ACAD10: variants seen among roughly 807,000 people sequenced by gnomAD.
ACAD10 encodes the protein acyl-CoA dehydrogenase family member 10.
ACAD10 carries 112 observed loss-of-function variants against 116.8 expected under a neutral mutation model. That is an observed-to-expected ratio of 0.96 (90% CI 0.82 to 1.12). The LOEUF (loss-of-function observed/expected upper bound fraction) is 1.12. ACAD10 is among the 50% of genes most tolerant of loss of function. The pLI, the probability that ACAD10 is intolerant of heterozygous loss-of-function variation, is 0.00. For missense variants in ACAD10, 1,259 were observed against 1,350.2 expected, an observed-to-expected ratio of 0.93 and a Z score of 1.06; for synonymous variants, 486 against 510.6, an observed-to-expected ratio of 0.95 and a Z score of 0.65.
chr12:111,755,692 A>T lies in ACAD10; in HGVS notation c.2986A>T (p.Ile996Phe). 6.2e-7 allele frequency: 1 copy of T among 1,613,880 alleles called. No homozygotes were observed. Among genetic ancestry groups the T allele is most frequent in the South Asian group, 1.1e-5 (1 of 91,080 alleles). Reference sequence around the variant, plus strand: ...GGCTGCAGCCTTGGATATAGCCATGATTAAAATGGTCGCCCCGTCCATGGC... The same window carrying T: ...GGCTGCAGCCTTGGATATAGCCATGTTTAAAATGGTCGCCCCGTCCATGGC... The part of the protein sequence containing the change: ...NKAAALDIAM[I>F]KMVAPSMASR... Residue 996 changes from isoleucine (I) to phenylalanine (F), a missense_variant, in exon 20 of 21, where the codon ATT becomes TTT. Transcript: ENST00000313698.
chr12:111,690,100 A>G (rs1887992498), intron 1 of ACAD10, among the ~76,000 whole-genome samples: 1 of 152,206 alleles, frequency 6.6e-6, no homozygotes, highest in Admixed American at 6.5e-5. Context: ...GATGAGAAAC[A>G]CATTATATTC....
At position 111,755,734 on chromosome 12, in the gene ACAD10, C is replaced by G; in HGVS notation, c.3028C>G (p.Arg1010Gly). 1.2e-6 allele frequency: 2 copies of G among 1,613,748 alleles called. No homozygotes were observed. Among genetic ancestry groups the G allele is most frequent in the Non-Finnish European group, 1.7e-6 (2 of 1,179,894 alleles). ...APSMASRVID[R>G]AIQAFGAAGL... is the part of the protein sequence containing the mutation. The stretch of plus-strand genomic sequence containing the variant: ...GTCCATGGCCTCCCGAGTGATTGAT[C>G]GTGCGATTCAGGTGAGCACAGACCA... Residue 1010 changes from arginine to glycine, a missense_variant, in exon 20 of 21, where the codon CGT becomes GGT. Physicochemically the swap from Arg to Gly is moderately radical, Grantham distance 125 (BLOSUM62 -2). Coordinates refer to ENST00000313698, the MANE Select transcript of ACAD10 (RefSeq NM_025247.6).
intron 1 of ACAD10, among the ~76,000 whole-genome samples, chr12:111,691,922 AG>A (rs1888055095): frequency 6.6e-6 from 1 of 151,970 alleles, no homozygotes. Context: ...AGCCAGGCTT[AG>A]GAATTGAGAT....
At chr12:111,703,584 T>C (rs948525249) in intron 3 of ACAD10, among the ~76,000 whole-genome samples, 1 of 152,122 alleles carries the variant, frequency 6.6e-6, no homozygotes, top group Non-Finnish European at 1.5e-5. Context: ...ACACCTGTAA[T>C]CCCAGCATTT....
In ACAD10 at chr12:111,709,749, A is replaced by G. The variant is rs781419171; in HGVS notation, c.690+65A>G. 9 of 1,446,784 alleles carry G rather than the reference A, an allele frequency of 6.2e-6. No individual in the cohort carries two copies. In the East Asian group the frequency reaches 2.0e-4, roughly 32 times the overall value. 89.6% of individuals were successfully genotyped at this position (1,446,784 alleles called of 1,614,324 possible). ...GCCACTAATGCAATGTTTCTCTGTAATCTTTTTACATTTGTAGCTCTAGCT... is the reference window on the plus strand; with the variant it reads ...GCCACTAATGCAATGTTTCTCTGTAGTCTTTTTACATTTGTAGCTCTAGCT... On this transcript the variant is annotated intron_variant, in intron 5 of 20. Transcript: ENST00000313698.
intron 8 of ACAD10, among the ~76,000 whole-genome samples, chr12:111,724,589 G>C (rs527261907): frequency 6.6e-6 from 1 of 152,202 alleles, no homozygotes; most frequent in East Asian, 1.9e-4. Flanking sequence ...GATCACTCGC[G>C]GTTAGGGGCT....
intron 16 of ACAD10, chr12:111,747,732 T>G: frequency 1.8e-6 from 2 of 1,124,532 alleles, no homozygotes; most frequent in Non-Finnish European, 2.2e-6. Context: ...TCAGGTGTGT[T>G]ACATCCTAAG....
rs1889851831 is a variant in ACAD10 at position 111,745,012 on chromosome 12, G to A, written c.2084G>A (p.Trp695Ter). The change falls in exon 13 of 21, where the codon TGG (tryptophan) becomes TAG (stop). Residue 695 changes from tryptophan to a stop codon, truncating the protein, a stop_gained. Coordinates refer to ENST00000313698, the MANE Select transcript of ACAD10 (RefSeq NM_025247.6). LOFTEE classifies it high-confidence loss of function. Reference protein sequence around the residue: ...LQSHQASAARWSPSPLIEDLK... With the variant: ...LQSHQASAAR Reference sequence around the variant, plus strand: ...AGTCACCAGGCCTCAGCAGCCAGGTGGAGCCCCTCCCCACTGATCGAAGAC... The same window carrying A: ...AGTCACCAGGCCTCAGCAGCCAGGTAGAGCCCCTCCCCACTGATCGAAGAC... 1.2e-6 allele frequency: 2 copies of A among 1,613,758 alleles called. No individual in the cohort carries two copies. The highest frequency in any genetic ancestry group is 2.2e-5 in the East Asian group (1 of 44,896).
chr12:111,733,311 G>A (rs543113594), intron 10 of ACAD10, among the ~76,000 whole-genome samples: 2 of 152,114 alleles, frequency 1.3e-5, no homozygotes, highest in Non-Finnish European at 2.9e-5. Flanking sequence ...ATGTTGCCCG[G>A]GCTGGTCTTG....
intron 19 of ACAD10, 69 bp from the exon 20 acceptor site, chr12:111,755,599 G>C (rs1164864604): frequency 3.5e-6 from 4 of 1,139,392 alleles, no homozygotes; most frequent in Non-Finnish European, 5.3e-6. Flanking sequence ...GATGGGGGAC[G>C]GGGGGGCCTC....
At chr12:111,726,632 C>T (rs985491999) in intron 8 of ACAD10, among the ~76,000 whole-genome samples, 36 of 151,934 alleles carry the variant, frequency 2.4e-4, no homozygotes, top group African/African-American at 7.7e-4. Flanking sequence ...GAGGCTGAGG[C>T]GGATGGATTA....
Position 111,750,213 on chromosome 12 carries a change from T to A in ACAD10, c.2817+868T>A, listed in dbSNP as rs569105257. ...TTCACACCATTCTCTTGCCTCAGCC[T>A]CCCGAGTAGCTGGGACTACAGGCAC... On this transcript the variant is annotated intron_variant, in intron 18 of 20. Coordinates refer to ENST00000313698, the MANE Select transcript of ACAD10 (RefSeq NM_025247.6). Among the ~76,000 whole-genome samples, 354 of 149,760 alleles carry A rather than the reference T, an allele frequency of 2.4e-3. 3 individuals carry two copies. Among genetic ancestry groups the A allele is most frequent in the Non-Finnish European group, 3.0e-3 (206 of 67,578 alleles).
intron 8 of ACAD10, among the ~76,000 whole-genome samples, chr12:111,723,409 G>A (rs1414838824): frequency 5.9e-5 from 8 of 136,288 alleles, no homozygotes; most frequent in African/African-American, 2.2e-4. Context: ...GCGGCTGGCC[G>A]GGCGGGGGGC....
At chr12:111,697,672 C>T (rs573704666) in intron 2 of ACAD10, among the ~76,000 whole-genome samples, 1 of 149,758 alleles carries the variant, frequency 6.7e-6, no homozygotes, top group East Asian at 2.0e-4. Flanking sequence ...GCAAACTTCG[C>T]CTCCCGGGTT....
At chr12:111,732,882 T>C (rs1200395210) in intron 10 of ACAD10, among the ~76,000 whole-genome samples, 1 of 152,184 alleles carries the variant, frequency 6.6e-6, no homozygotes, top group Non-Finnish European at 1.5e-5. Context: ...ACGACAGCAG[T>C]CATTTTGCTT....
At chr12:111,690,055 G>C (rs1887990902) in intron 1 of ACAD10, among the ~76,000 whole-genome samples, 1 of 152,198 alleles carries the variant, frequency 6.6e-6, no homozygotes, top group Non-Finnish European at 1.5e-5. Flanking sequence ...TGAATCTGCA[G>C]ATGTGGAACT....
rs1366343269 is a variant in ACAD10 at position 111,719,813 on chromosome 12, C to T, written c.993-1858C>T. ...CACGATCTCGGCCCACTGCAAGCTCCGCCTCCCAGGTTCACGCCATTCTCC... is the reference window on the plus strand; with the variant it reads ...CACGATCTCGGCCCACTGCAAGCTCTGCCTCCCAGGTTCACGCCATTCTCC... On this transcript the variant is annotated intron_variant, in intron 7 of 20. Transcript: ENST00000313698. Among the ~76,000 whole-genome samples, 13 of 152,150 alleles carry T rather than the reference C, an allele frequency of 8.5e-5. No individual in the cohort carries two copies. The East Asian group carries it at 1.4e-3, about 16-fold the overall frequency.
chr12:111,744,957 C>T lies in ACAD10; in HGVS notation c.2029C>T (p.Arg677Cys), dbSNP rs368355800. 13 of 1,614,150 alleles carry T rather than the reference C, an allele frequency of 8.1e-6. No homozygotes were observed. Among genetic ancestry groups the T allele is most frequent in the Admixed American group, 3.3e-5 (2 of 60,022 alleles). Residue 677 changes from arginine to cysteine, a missense_variant, in exon 13 of 21, where the codon CGT becomes TGT. Arg to Cys is a radical substitution (Grantham distance 180). Coordinates refer to ENST00000313698, the MANE Select transcript of ACAD10 (RefSeq NM_025247.6). ...CCGGCTGAAGCACTTCATGGAGCAA[C>T]GTGTGTACCCTGCAGAGCCAGAGCT... ...YHRLKHFMEQ[R>C]VYPAEPELQS...
chr12:111,746,725 C>T (rs1479391467), intron 14 of ACAD10, among the ~76,000 whole-genome samples: 2 of 152,130 alleles, frequency 1.3e-5, no homozygotes, highest in African/African-American at 4.8e-5. Context: ...GAAGGCCAGG[C>T]ATGGTGGCTC....
Sources: allele counts gnomAD v4.1 joint callset (sites outside exome capture counted in the v4.1 genomes callset), GRCh38; gene constraint gnomAD v4.1.1; transcripts MANE v1.5; gene names NCBI Gene and HGNC (gene_info 2026-07-23, HGNC 2026-07-21).